Variants in SHISA9 observed in about 807,000 individuals in gnomAD.
The protein encoded by SHISA9 is shisa family member 9, also known as protein shisa-9.
Under a neutral mutation model 38.0 loss-of-function variants are expected in SHISA9, and 13 were observed. The ratio of observed to expected loss-of-function variants is 0.34; its 90% CI spans 0.22 to 0.54. The LOEUF is 0.54. SHISA9 is among the 20% of genes least tolerant of loss of function. The pLI, the probability that SHISA9 is intolerant of heterozygous loss-of-function variation, is 0.91. For missense variants in SHISA9, 538 were observed against 575.8 expected (o/e 0.93, Z 0.67); for synonymous variants, 275 against 242.0 (o/e 1.14, Z -1.27).
chr16:13,019,932 T>TCC (rs2072823555), intron 2 of SHISA9, among the ~76,000 whole-genome samples: 6 of 90,488 alleles, frequency 6.6e-5, no homozygotes, highest in South Asian at 3.9e-4. Flanking sequence ...TCTTTCTTTC[T>TCC]TTCTTTCTTT....
At chr16:13,102,140 T>C (rs2073884917) in intron 2 of SHISA9, among the ~76,000 whole-genome samples, 1 of 152,178 alleles carries the variant, frequency 6.6e-6, no homozygotes, top group Non-Finnish European at 1.5e-5. Context: ...GCTACTAATC[T>C]GAGGAAGGCT....
chr16:13,287,486 G>A, the SHISA9 span, among the ~76,000 whole-genome samples: 1 of 152,182 alleles, frequency 6.6e-6, no homozygotes, highest in African/African-American at 2.4e-5. Context: ...CTGGCATGGA[G>A]TTTTTAGATA....
At chr16:13,234,087 G>A (rs948029706) in intron 4 of SHISA9, among the ~76,000 whole-genome samples, 1 of 152,152 alleles carries the variant, frequency 6.6e-6, no homozygotes, top group Non-Finnish European at 1.5e-5. Context: ...AGAGGTTTAA[G>A]TGAAAAGTTG....
chr16:13,089,630 G>A (rs2073752486), intron 2 of SHISA9, among the ~76,000 whole-genome samples: 1 of 152,162 alleles, frequency 6.6e-6, no homozygotes, highest in Admixed American at 6.5e-5. Context: ...TTGTATTTCT[G>A]TGGGATCAGT....
At chr16:12,953,663 A>G (rs896728090) in intron 2 of SHISA9, among the ~76,000 whole-genome samples, 7 of 152,166 alleles carry the variant, frequency 4.6e-5, no homozygotes, top group African/African-American at 1.7e-4. Flanking sequence ...GAAATATTAG[A>G]TAAGATATTG....
the SHISA9 span, among the ~76,000 whole-genome samples, chr16:13,282,413 CTACTT>C: frequency 6.6e-6 from 1 of 151,628 alleles, no homozygotes; most frequent in Non-Finnish European, 1.5e-5. Context: ...TTTTATTTTC[CTACTT>C]TAAAGATTTT....
At chr16:13,498,812 C>T in the SHISA9 span, among the ~76,000 whole-genome samples, 3 of 152,008 alleles carry the variant, frequency 2.0e-5, no homozygotes, top group Admixed American at 2.0e-4. Context: ...CAAAGATGTC[C>T]AATGTAGTAA....
At chr16:13,501,653 T>G in the SHISA9 span, among the ~76,000 whole-genome samples, 1 of 152,228 alleles carries the variant, frequency 6.6e-6, no homozygotes, top group South Asian at 2.1e-4. Context: ...CTTTATTTAC[T>G]ATTGTATGCT....
At chr16:13,048,054 G>A (rs1596610920) in intron 2 of SHISA9, among the ~76,000 whole-genome samples, 1 of 152,186 alleles carries the variant, frequency 6.6e-6, no homozygotes, top group African/African-American at 2.4e-5. Flanking sequence ...GACTTCTGAG[G>A]CCTTCTGAAG....
chr16:12,969,373 T>G (rs981814969), intron 2 of SHISA9, among the ~76,000 whole-genome samples: 1 of 145,696 alleles, frequency 6.9e-6, no homozygotes, highest in Non-Finnish European at 1.5e-5. Flanking sequence ...TCTGTCTGGG[T>G]GCTGATTATG....
In SHISA9 at chr16:13,223,346, C is replaced by G. The variant is rs139686166; in HGVS notation, c.895+10046C>G. On this transcript the variant is annotated intron_variant, in intron 4 of 4. Transcript: ENST00000558583. ...TCGGGAGGCTGAGGTGGGAGGATCA[C>G]TTGAACCCAGGAGGGTCAAGTCAGT... Among the ~76,000 whole-genome samples, 850 of 152,240 alleles carry G rather than the reference C, an allele frequency of 5.6e-3. 3 individuals carry two copies. The highest frequency in any genetic ancestry group is 8.5e-3 in the Admixed American group (130 of 15,298).
the SHISA9 span, among the ~76,000 whole-genome samples, chr16:13,294,795 G>A: frequency 6.6e-6 from 1 of 152,146 alleles, no homozygotes; most frequent in African/African-American, 2.4e-5. Flanking sequence ...TGAGTTGAGT[G>A]GGAAGCATAA....
intron 2 of SHISA9, among the ~76,000 whole-genome samples, chr16:12,965,738 C>T (rs976669763): frequency 6.6e-5 from 10 of 152,138 alleles, no homozygotes; most frequent in South Asian, 4.1e-4. Flanking sequence ...CTCTATAAAA[C>T]GGCACCTCCC....
At chr16:13,190,146 T>G (rs1157038589) in intron 2 of SHISA9, among the ~76,000 whole-genome samples, 1 of 151,684 alleles carries the variant, frequency 6.6e-6, no homozygotes, top group East Asian at 1.9e-4. Context: ...TAGTTACATA[T>G]GTATACATGT....
chr16:13,039,488 T>G (rs1163117194), intron 2 of SHISA9, among the ~76,000 whole-genome samples: 6 of 12,074 alleles, frequency 5.0e-4, no homozygotes, highest in African/African-American at 1.3e-3. Flanking sequence ...TCATGGGGTT[T>G]TTTTTTTTTT....
chr16:13,262,658 A>AAGGACGGGAGGG, the SHISA9 span, among the ~76,000 whole-genome samples: 2 of 51,840 alleles, frequency 3.9e-5, no homozygotes, highest in African/African-American at 1.9e-4. Context: ...GGAAGGAAGG[A>AAGGACGGGAGGG]AGGAAGGAAG....
chr16:13,442,693 C>G, the SHISA9 span, among the ~76,000 whole-genome samples: 1 of 152,050 alleles, frequency 6.6e-6, no homozygotes, highest in Non-Finnish European at 1.5e-5. Context: ...GTGACTTATG[C>G]CTATAATCTC....
At chr16:13,083,564 A>G (rs1396768148) in intron 2 of SHISA9, among the ~76,000 whole-genome samples, 1 of 152,172 alleles carries the variant, frequency 6.6e-6, no homozygotes, top group Non-Finnish European at 1.5e-5. Flanking sequence ...TAGGTCAGCT[A>G]TTCTTCAGCC....
rs539897863 is a variant in SHISA9, at chr16:13,012,403, G to GTGA, written c.691+95589_691+95591dup. On this transcript the variant is annotated intron_variant, in intron 2 of 4. Coordinates refer to ENST00000558583, the MANE Select transcript of SHISA9 (RefSeq NM_001145204.3). ...GAAGAGAGTTCCAGACAGAGGGAAC[G>GTGA]TGAGTGCAAGGGCCCTGAGGTCAGG... Among the ~76,000 whole-genome samples, 180 of 152,262 alleles carry GTGA rather than the reference G, an allele frequency of 1.2e-3. 1 individual carries two copies. Among genetic ancestry groups the GTGA allele is most frequent in the African/African-American group, 4.2e-3 (173 of 41,538 alleles).
Sources: allele counts gnomAD v4.1 joint callset (sites outside exome capture counted in the v4.1 genomes callset), GRCh38; gene constraint gnomAD v4.1.1; transcripts MANE v1.5; gene names NCBI Gene and HGNC (gene_info 2026-07-23, HGNC 2026-07-21).